The following PRRC2C variants were observed in gnomAD, a reference collection of about 807,000 sequenced individuals.
PRRC2C encodes protein PRRC2C.
Under a neutral mutation model 317.2 loss-of-function variants are expected in PRRC2C, and 72 were observed. The observed-to-expected ratio is 0.23, with a 90% CI of 0.19 to 0.28. The LOEUF is 0.28. Ranked by LOEUF, PRRC2C falls within the 10% of genes least tolerant of loss-of-function variation. The probability of loss-of-function intolerance (pLI) is 1.00; values close to 1 mark genes in which losing one functional copy is unlikely to be tolerated. For missense variants in PRRC2C, 3,074 were observed against 3,459.7 expected (o/e 0.89, Z 2.80); for synonymous variants, 1,296 against 1,205.9 (o/e 1.07, Z -1.55).
chr1:171,515,550 A>G (rs1173884197), intron 4 of PRRC2C, among the ~76,000 whole-genome samples, 184 bp from the exon 5 acceptor site: 1 of 152,198 alleles, frequency 6.6e-6, no homozygotes, highest in African/African-American at 2.4e-5. Context: ...TCATCTCCTC[A>G]TGGCTGATCA....
At position 171,566,412 on chromosome 1, in the gene PRRC2C, A is replaced by G. The variant is rs1051033894; in HGVS notation, c.6297A>G (p.Lys2099=). 2 of 1,573,024 alleles carry G rather than the reference A, an allele frequency of 1.3e-6. No individual in the cohort carries two copies. The highest frequency in any genetic ancestry group is 2.3e-5 in the South Asian group (2 of 85,640). The change falls in exon 21 of 35, where the codon AAA becomes AAG. Residue 2099 remains lysine (K), a synonymous_variant. Transcript: ENST00000647382. ...RQKQPRAGPI[K]AQKLPDLSPV... ...AGCAGCCACGAGCAGGACCTATCAA[A>G]GCCCAGAAGGTAAATATACTTTATA...
chr1:171,557,725 A>T lies in PRRC2C; in HGVS notation c.5613A>T (p.Ala1871=). The change falls in exon 19 of 35, where the codon GCA becomes GCT. Residue 1871 remains alanine (A), a synonymous_variant. Coordinates refer to ENST00000647382, the MANE Select transcript of PRRC2C (RefSeq NM_001387844.1). ...TTCCCATTCTTGCTTCAGCCCTAGC[A>T]TCAACTTCAGCTCCAACGCCAGCCC... ...ASIPILASAL[A]STSAPTPAPA... 1 of 1,551,258 alleles carries T rather than the reference A, an allele frequency of 6.4e-7. No homozygotes were observed. Among genetic ancestry groups the T allele is most frequent in the Non-Finnish European group, 8.7e-7 (1 of 1,146,910 alleles).
chr1:171,574,783 G>A, intron 24 of PRRC2C, 144 bp from the exon 25 acceptor site: 1 of 773,398 alleles, frequency 1.3e-6, no homozygotes, highest in East Asian at 2.7e-5. Flanking sequence ...GGGTCTTAGG[G>A]TCTTAGATTT....
intron 1 of PRRC2C, among the ~76,000 whole-genome samples, chr1:171,491,985 C>G (rs1039811339): frequency 2.0e-5 from 3 of 152,090 alleles, no homozygotes; most frequent in African/African-American, 7.2e-5. Flanking sequence ...AGGGAAGGTA[C>G]ACAGTTACTT....
chr1:171,575,104 G>A lies in PRRC2C; in HGVS notation c.6931G>A (p.Val2311Ile), dbSNP rs959385968. The change falls in exon 25 of 35, where the codon GTC (valine) becomes ATC (isoleucine). Residue 2311 changes from valine to isoleucine, a missense_variant. Physicochemically the swap from Val to Ile is conservative, Grantham distance 29. Transcript: ENST00000647382. ...ASMPQIPVASVTPTASLSGAG... is the reference protein window; with the variant it reads ...ASMPQIPVASITPTASLSGAG... ...CATGCCCCAGATTCCTGTTGCTTCA[G>A]TCACTCCTACAGCATCACTATCAGG... The A allele has an allele frequency of 3.1e-6, 5 of 1,613,684 alleles. No individual in the cohort carries two copies. The highest frequency in any genetic ancestry group is 1.7e-4 in the Middle Eastern group (1 of 6,032).
In PRRC2C at chr1:171,566,611, T is replaced by C; in HGVS notation, c.6326T>C (p.Val2109Ala). 27 of 1,589,604 alleles carry C rather than the reference T, an allele frequency of 1.7e-5. No individual in the cohort carries two copies. The highest frequency in any genetic ancestry group is 2.3e-5 in the Non-Finnish European group (27 of 1,168,508). The change falls in exon 22 of 35, where the codon GTA becomes GCA. Residue 2109 changes from valine to alanine, a missense_variant. By Grantham distance (64) the Val-to-Ala change is moderately conservative. This residue lies in a region of PRRC2C where 640 missense variants were observed against 676.1 expected (regional missense o/e 0.95). Transcript: ENST00000647382. Reference protein sequence around the residue: ...KAQKLPDLSPVENKEHKPGPI... With the variant: ...KAQKLPDLSPAENKEHKPGPI... Reference sequence around the variant, plus strand: ...CTTTAGCTTCCAGATTTGAGTCCAGTAGAAAACAAAGAACACAAACCTGGT... The same window carrying C: ...CTTTAGCTTCCAGATTTGAGTCCAGCAGAAAACAAAGAACACAAACCTGGT...
Position 171,561,852 on chromosome 1 carries a change from A to T in PRRC2C, c.6117+749A>T, listed in dbSNP as rs140528880. ...GGTAAATGACTGTTGGGGGTCAGTGATTCTTCATTCATTCATTGAATGAAC... is the reference window on the plus strand; with the variant it reads ...GGTAAATGACTGTTGGGGGTCAGTGTTTCTTCATTCATTCATTGAATGAAC... On this transcript the variant is annotated intron_variant, in intron 20 of 34. Transcript: ENST00000647382. 1.4e-3 allele frequency among the ~76,000 whole-genome samples: 220 copies of T among 152,264 alleles called. 1 individual carries two copies. Among genetic ancestry groups the T allele is most frequent in the African/African-American group, 4.8e-3 (200 of 41,550 alleles).
At chr1:171,552,937 G>A (rs1680585309) in intron 18 of PRRC2C, among the ~76,000 whole-genome samples, 1 of 151,638 alleles carries the variant, frequency 6.6e-6, no homozygotes, top group Admixed American at 6.6e-5. Context: ...TTTTCATTGT[G>A]TCTGCCAGGT....
chr1:171,490,333 AG>A, intron 1 of PRRC2C, among the ~76,000 whole-genome samples: 1 of 152,388 alleles, frequency 6.6e-6, no homozygotes, highest in East Asian at 1.9e-4. Context: ...GTATACTACC[AG>A]TCTTTGTATT....
At position 171,514,461 on chromosome 1, in the gene PRRC2C, G is replaced by A. The variant is rs547800315; in HGVS notation, c.291-75G>A. The A allele has an allele frequency of 4.0e-5, 48 of 1,200,512 alleles. No homozygotes were observed. In the South Asian group the frequency reaches 6.7e-4, roughly 17 times the overall value. 74.4% of individuals were successfully genotyped at this position (1,200,512 alleles called of 1,614,324 possible). On this transcript the variant is annotated intron_variant, in intron 3 of 34. Coordinates refer to ENST00000647382, the MANE Select transcript of PRRC2C (RefSeq NM_001387844.1). ...TATAGCCAAAATAATTTGTACACAG[G>A]TTTACCTTAAATATAATATTGATTT...
chr1:171,568,396 A>G, intron 23 of PRRC2C, 57 bp downstream of exon 23: 2 of 1,545,722 alleles, frequency 1.3e-6, no homozygotes, highest in Non-Finnish European at 8.7e-7. Context: ...TATTATTATC[A>G]AGCACATTAT....
chr1:171,581,469 A>G (rs555720689), intron 28 of PRRC2C, among the ~76,000 whole-genome samples: 1 of 152,204 alleles, frequency 6.6e-6, no homozygotes, highest in Non-Finnish European at 1.5e-5. Flanking sequence ...CATTTCACTA[A>G]TTGTCTTGGA....
chr1:171,579,294 G>T, intron 26 of PRRC2C, 60 bp from the exon 27 acceptor site: 1 of 1,530,056 alleles, frequency 6.5e-7, no homozygotes. Context: ...TTTATTTACT[G>T]TTTGGAAAAT....
intron 19 of PRRC2C, among the ~76,000 whole-genome samples, chr1:171,560,617 C>CA (rs1249522256): frequency 2.6e-5 from 4 of 152,162 alleles, no homozygotes; most frequent in African/African-American, 9.7e-5. Flanking sequence ...AAAAAAAGTA[C>CA]AATTCAAAGG....
chr1:171,581,117 T>C (rs1432815711), intron 28 of PRRC2C, among the ~76,000 whole-genome samples: 3 of 152,250 alleles, frequency 2.0e-5, no homozygotes, highest in Non-Finnish European at 2.9e-5. Context: ...TCATTACTTA[T>C]ATAGCTGTTG....
In PRRC2C at chr1:171,591,560, T is replaced by C. The variant is rs774923621; in HGVS notation, c.8437-27T>C. On this transcript the variant is annotated intron_variant, in intron 34 of 34. Coordinates refer to ENST00000647382, the MANE Select transcript of PRRC2C (RefSeq NM_001387844.1). ...CAGGCTTTGGTAATGCTGCAGTATT[T>C]TCAGTTGTTCTTTCTCATTTTTTAA... 2.5e-6 allele frequency: 4 copies of C among 1,604,146 alleles called. No individual in the cohort carries two copies. The African/African-American group carries it at 5.4e-5, about 22-fold the overall frequency.
chr1:171,591,955 G>A lies in PRRC2C; in HGVS notation c.*108G>A, dbSNP rs193091866. On this transcript the variant is annotated 3_prime_UTR_variant, in exon 35 of 35. Transcript: ENST00000647382. ...GCAAAATGGCCTGTGACATTATCCT[G>A]TTCAGAGCTTGGAGATGTACAAGGG... 1 of 1,397,100 alleles carries A rather than the reference G, an allele frequency of 7.2e-7. No homozygotes were observed. The highest frequency in any genetic ancestry group is 1.4e-5 in the African/African-American group (1 of 69,396). The allele number at this position is 1,397,100 out of a possible 1,614,324, so 86.5% of individuals were successfully genotyped here.
intron 15 of PRRC2C, 79 bp from the exon 16 acceptor site, chr1:171,539,892 A>T: frequency 8.4e-7 from 1 of 1,183,858 alleles, no homozygotes; most frequent in Non-Finnish European, 1.2e-6. Context: ...TTTCTGTTTT[A>T]GAGGGATTAT....
intron 1 of PRRC2C, among the ~76,000 whole-genome samples, chr1:171,509,244 G>C (rs1277114712): frequency 6.6e-6 from 1 of 152,116 alleles, no homozygotes; most frequent in Non-Finnish European, 1.5e-5. Flanking sequence ...TAGTAGGCTT[G>C]CTTCTTAAAG....
Sources: gnomAD v4.1 joint callset for allele counts (sites outside exome capture counted in the v4.1 genomes callset) on GRCh38, gnomAD v4.1.1 for gene constraint, gnomAD v4.1.1 regional missense constraint, MANE v1.5 for transcripts, NCBI Gene and HGNC (gene_info 2026-07-23, HGNC 2026-07-21) for gene names.